Variants in TCF24 observed in about 807,000 individuals in gnomAD.
TCF24 encodes the protein transcription factor 24.
In TCF24, 5 loss-of-function variants were observed where a neutral mutation model predicts 9.3. That is an observed-to-expected ratio of 0.54 (90% CI 0.28 to 1.13). The LOEUF (loss-of-function observed/expected upper bound fraction) is 1.13, where lower values mean the gene tolerates loss of function less well. Among genes scored for constraint, TCF24 ranks in the 50% most tolerant of loss-of-function variants. The pLI is 0.09. For synonymous variants in TCF24, 110 were observed against 115.8 expected (o/e 0.95, Z 0.32); for missense variants, 220 against 236.1 (o/e 0.93, Z 0.45).
At chr8:66,955,588 C>T (rs1814140803) in intron 3 of TCF24, among the ~76,000 whole-genome samples, 1 of 152,102 alleles carries the variant, frequency 6.6e-6, no homozygotes, top group South Asian at 2.1e-4. Context: ...ATTAACATGC[C>T]AAAGAACATT....
At chr8:66,961,242 G>A in intron 3 of TCF24, 134 bp downstream of exon 3, 2 of 1,219,910 alleles carry the variant, frequency 1.6e-6, no homozygotes, top group East Asian at 3.2e-5. Context: ...CTCGCGGGCC[G>A]AGGTCGTTCT....
At chr8:66,948,693 A>ATCTG (rs1311809645) in intron 3 of TCF24, among the ~76,000 whole-genome samples, 3 of 150,672 alleles carry the variant, frequency 2.0e-5, no homozygotes, top group African/African-American at 7.4e-5. Flanking sequence ...CTATCTATCT[A>ATCTG]TCTATCTATC....
chr8:66,959,589 C>T (rs1814222072), intron 3 of TCF24, among the ~76,000 whole-genome samples: 1 of 152,092 alleles, frequency 6.6e-6, no homozygotes. Flanking sequence ...TTATTTGTTT[C>T]TTTGTCTTTG....
In TCF24 at chr8:66,961,720, C is replaced by G; in HGVS notation, c.46G>C (p.Glu16Gln). ...ATGGCGGCGGCCAGGGGCGCGGGCT[C>G]GGCGCTGGCGCTGAGGGGGCTGCCC... ...PAGSPLSASAEPAPLAAAIRD... is the reference protein window; with the variant it reads ...PAGSPLSASAQPAPLAAAIRD... Residue 16 changes from glutamate (E) to glutamine (Q), a missense_variant, in exon 3 of 4, where the codon GAG (glutamate) becomes CAG (glutamine). Coordinates refer to ENST00000563496, the MANE Select transcript of TCF24 (RefSeq NM_001193502.2). The G allele has an allele frequency of 9.1e-7, 1 of 1,103,722 alleles. No homozygotes were observed. The highest frequency in any genetic ancestry group is 1.1e-6 in the Non-Finnish European group (1 of 906,700). The allele number at this position is 1,103,722 out of a possible 1,614,324, so 68.4% of individuals were successfully genotyped here. A position where few individuals can be genotyped will look rare whatever the true frequency, so the allele number is the denominator to read the frequency against.
chr8:66,948,183 A>G lies in TCF24; in HGVS notation c.391-19T>C, dbSNP rs1398928868. ...GCCATTTCTGAAAAAGATTATTTCAACAAGAATTCAAAAGTTAGTATCTAT... is the reference window on the plus strand; with the variant it reads ...GCCATTTCTGAAAAAGATTATTTCAGCAAGAATTCAAAAGTTAGTATCTAT... On this transcript the variant is annotated intron_variant, in intron 3 of 3. Coordinates refer to ENST00000563496, the MANE Select transcript of TCF24 (RefSeq NM_001193502.2). 1.3e-6 allele frequency: 2 copies of G among 1,516,140 alleles called. No homozygotes were observed. The highest frequency in any genetic ancestry group is 8.8e-7 in the Non-Finnish European group (1 of 1,134,566). The allele number at this position is 1,516,140 out of a possible 1,614,324, so 93.9% of individuals were successfully genotyped here. A position where few individuals can be genotyped will look rare whatever the true frequency, so the allele number is the denominator to read the frequency against.
intron 3 of TCF24, among the ~76,000 whole-genome samples, chr8:66,957,609 C>A (rs896838399): frequency 6.6e-6 from 1 of 151,864 alleles, no homozygotes; most frequent in Non-Finnish European, 1.5e-5. Flanking sequence ...TTTAAAAGAG[C>A]CAGTCTGTGG....
rs1475849270 is a variant in TCF24, at chr8:66,961,435, C to T, written c.331G>A (p.Ala111Thr). 9 of 1,524,976 alleles carry T rather than the reference C, an allele frequency of 5.9e-6. No individual in the cohort carries two copies. The Admixed American group carries it at 1.8e-4, about 30-fold the overall frequency. The allele number at this position is 1,524,976 out of a possible 1,614,324, so 94.5% of individuals were successfully genotyped here. Residue 111 changes from alanine to threonine, a missense_variant, in exon 3 of 4, where the codon GCG (alanine) becomes ACG (threonine). Coordinates refer to ENST00000563496, the MANE Select transcript of TCF24 (RefSeq NM_001193502.2). ...GCGCCCAACCCGGCGTCCGCCGGCG[C>T]CTCGGCGTCGTCCTGCAGGCTGCGG... is the stretch of plus-strand genomic sequence containing the variant. Reference protein sequence around the residue: ...LTRSLQDDAEAPADAGLGALR... With the variant: ...LTRSLQDDAETPADAGLGALR...
At chr8:66,948,654 A>ACCATCTAT (rs1814000935) in intron 3 of TCF24, among the ~76,000 whole-genome samples, 1 of 146,532 alleles carries the variant, frequency 6.8e-6, no homozygotes, top group East Asian at 2.0e-4. Flanking sequence ...AAAAGTGTCA[A>ACCATCTAT]CTATCTATCT....
At chr8:66,961,852 C>G in intron 2 of TCF24, 25 bp downstream of exon 2, 1 of 995,868 alleles carries the variant, frequency 1.0e-6, no homozygotes, top group Non-Finnish European at 1.2e-6. Context: ...GAGGCGCAGC[C>G]CCCTGGTTCT....
In TCF24 at chr8:66,954,135, G is replaced by A. The variant is rs570648014; in HGVS notation, c.391-5971C>T. On this transcript the variant is annotated intron_variant, in intron 3 of 3. Transcript: ENST00000563496. The stretch of plus-strand genomic sequence containing the variant: ...TCCATCCAGCTTTGTTCCGTTGCTG[G>A]TGAGGAACTGCGTTCCTTTGGAGGA... 7.7e-4 allele frequency among the ~76,000 whole-genome samples: 118 copies of A among 152,358 alleles called. 1 individual carries two copies. Among genetic ancestry groups the A allele is most frequent in the African/African-American group, 2.7e-3 (111 of 41,578 alleles).
At chr8:66,955,638 C>T (rs1048237750) in intron 3 of TCF24, among the ~76,000 whole-genome samples, 17 of 152,198 alleles carry the variant, frequency 1.1e-4, no homozygotes, top group African/African-American at 4.1e-4. Flanking sequence ...TAATATTAGA[C>T]TCACCCAGAG....
At chr8:66,956,254 C>A (rs565584667) in intron 3 of TCF24, among the ~76,000 whole-genome samples, 3 of 152,114 alleles carry the variant, frequency 2.0e-5, no homozygotes, top group Non-Finnish European at 4.4e-5. Flanking sequence ...AGCCACCATG[C>A]CTGGACTCAA....
At chr8:66,958,899 C>T (rs951254287) in intron 3 of TCF24, among the ~76,000 whole-genome samples, 14 of 152,210 alleles carry the variant, frequency 9.2e-5, no homozygotes, top group African/African-American at 3.4e-4. Flanking sequence ...TCATACCCCA[C>T]AGGGATTAAA....
chr8:66,957,895 T>TA (rs11299517), intron 3 of TCF24, among the ~76,000 whole-genome samples: 2,033 of 43,100 alleles, frequency 0.047, 208 homozygotes, highest in Middle Eastern at 0.075. Context: ...TAAGAATTGC[T>TA]AAAAAAAAAA....
At chr8:66,961,851 C>T in intron 2 of TCF24, 26 bp downstream of exon 2, 4 of 994,054 alleles carry the variant, frequency 4.0e-6, no homozygotes, top group Non-Finnish European at 4.8e-6. Context: ...AGAGGCGCAG[C>T]CCCCTGGTTC....
chr8:66,961,673 C>T lies in TCF24; in HGVS notation c.93G>A (p.Arg31=). The part of the protein sequence containing the change: ...AAAIRDSRPG[R]TGPGPAGPGG... ...CAGGGCCCGCCGGCCCCGGCCCGGT[C>T]CGCCCGGGACGCGAGTCGCGGATGG... The change falls in exon 3 of 4, where the codon CGG becomes CGA. Residue 31 remains arginine (R), a synonymous_variant. Transcript: ENST00000563496. 1 of 1,112,404 alleles carries T rather than the reference C, an allele frequency of 9.0e-7. No individual in the cohort carries two copies. Among genetic ancestry groups the T allele is most frequent in the Non-Finnish European group, 1.1e-6 (1 of 912,860 alleles). 68.9% of individuals were successfully genotyped at this position (1,112,404 alleles called of 1,614,324 possible).
At chr8:66,956,597 AAG>A in intron 3 of TCF24, among the ~76,000 whole-genome samples, 1 of 152,086 alleles carries the variant, frequency 6.6e-6, no homozygotes, top group African/African-American at 2.4e-5. Context: ...TCCTGACCGC[AAG>A]TGACCCGCCC....
chr8:66,961,916 C>T lies in TCF24; in HGVS notation c.-63G>A. On this transcript the variant is annotated 5_prime_UTR_variant, in exon 2 of 4. Transcript: ENST00000563496. ...GGCTAAGGGCGCTCTCAAGCGAGCT[C>T]GTTTTGCCTGGGACGCGATTTGCTT... is the stretch of plus-strand genomic sequence containing the variant. 1 of 628,690 alleles carries T rather than the reference C, an allele frequency of 1.6e-6. No homozygotes were observed. Among genetic ancestry groups the T allele is most frequent in the Non-Finnish European group, 2.0e-6 (1 of 496,616 alleles). The allele number at this position is 628,690 out of a possible 1,614,324, so 38.9% of individuals were successfully genotyped here.
At chr8:66,954,379 C>T (rs368523092) in intron 3 of TCF24, among the ~76,000 whole-genome samples, 2 of 149,346 alleles carry the variant, frequency 1.3e-5, no homozygotes, top group Admixed American at 6.7e-5. Flanking sequence ...TGCCCCTGCT[C>T]GGGGGTGCCT....
Sources: gnomAD v4.1 joint callset for allele counts (sites outside exome capture counted in the v4.1 genomes callset) on GRCh38, gnomAD v4.1.1 for gene constraint, MANE v1.5 for transcripts, NCBI Gene and HGNC (gene_info 2026-07-23, HGNC 2026-07-21) for gene names.